The following SPIRE1 variants were observed in gnomAD, a reference collection of about 807,000 sequenced individuals.
SPIRE1 encodes the protein protein spire homolog 1.
In SPIRE1, 40 loss-of-function variants were observed where a neutral mutation model predicts 94.1. The observed-to-expected ratio is 0.43, with a 90% confidence interval of 0.33 to 0.55. SPIRE1 has a LOEUF of 0.55. Among genes scored for constraint, SPIRE1 ranks in the 20% least tolerant of loss-of-function variants. The pLI is 0.06. For synonymous variants in SPIRE1, 376 were observed against 371.7 expected (o/e 1.01, Z -0.13); for missense variants, 838 against 975.2 (o/e 0.86, Z 1.87).
chr18:12,588,247 C>T (rs552237810), intron 2 of SPIRE1: 5 of 152,118 alleles, frequency 3.3e-5, no homozygotes, highest in African/African-American at 1.2e-4. Context: ...TTCTAAATTG[C>T]CTAATTTTAA....
rs147177314 is a variant in SPIRE1, at chr18:12,556,514, G to A, written c.373-9610C>T. ...CACGGTGAGTGTTATAGTTCTTAAA[G>A]ATGGTGTGTCCGGAGTTTGTGCCTT... On this transcript the variant is annotated intron_variant, in intron 2 of 16. Coordinates refer to ENST00000409402, the MANE Select transcript of SPIRE1 (RefSeq NM_001128626.2). Among the ~76,000 whole-genome samples, 1,375 of 152,336 alleles carry A rather than the reference G, an allele frequency of 9.0e-3. 23 individuals carry two copies. The highest frequency in any genetic ancestry group is 0.032 in the African/African-American group (1,320 of 41,580).
chr18:12,524,843 G>T (rs192438065), intron 4 of SPIRE1, among the ~76,000 whole-genome samples: 1 of 151,968 alleles, frequency 6.6e-6, no homozygotes, highest in Admixed American at 6.6e-5. Context: ...GCCAACCATG[G>T]TGGTGAACAC....
At chr18:12,636,981 G>A (rs555891730) in intron 1 of SPIRE1, among the ~76,000 whole-genome samples, 1 of 152,334 alleles carries the variant, frequency 6.6e-6, no homozygotes, top group East Asian at 1.9e-4. Context: ...CAGTTACTGA[G>A]AGCCTACTCT....
chr18:12,497,833 T>C (rs1410609279), intron 6 of SPIRE1, among the ~76,000 whole-genome samples: 2 of 152,234 alleles, frequency 1.3e-5, no homozygotes, highest in African/African-American at 4.8e-5. Context: ...TGGCTAATTT[T>C]CACATGCTTT....
chr18:12,629,623 G>A (rs1445490454), intron 2 of SPIRE1, among the ~76,000 whole-genome samples: 2 of 152,128 alleles, frequency 1.3e-5, no homozygotes, highest in African/African-American at 2.4e-5. Context: ...GGGCTGGGAG[G>A]AGGGGCAGGG....
chr18:12,565,623 C>T (rs1173063229), intron 2 of SPIRE1, among the ~76,000 whole-genome samples: 2 of 152,066 alleles, frequency 1.3e-5, no homozygotes, highest in African/African-American at 4.8e-5. Flanking sequence ...ATCTTCCCGC[C>T]TCAGCCTCCC....
At chr18:12,512,906 C>T (rs958483604) in intron 4 of SPIRE1, among the ~76,000 whole-genome samples, 2 of 151,974 alleles carry the variant, frequency 1.3e-5, no homozygotes, top group African/African-American at 2.4e-5. Context: ...TTCCTCACCC[C>T]ATGGCTGGTC....
intron 10 of SPIRE1, among the ~76,000 whole-genome samples, chr18:12,471,654 G>A (rs2032365889): frequency 6.6e-6 from 1 of 152,096 alleles, no homozygotes; most frequent in Admixed American, 6.6e-5. Context: ...GCATTCTCAT[G>A]TACCGTGAGA....
intron 2 of SPIRE1, among the ~76,000 whole-genome samples, chr18:12,621,441 C>T (rs2037465463): frequency 1.3e-5 from 2 of 152,164 alleles, no homozygotes; most frequent in South Asian, 4.1e-4. Flanking sequence ...AGCACCATTA[C>T]TCATAACAGC....
At chr18:12,469,226 TGA>T in intron 10 of SPIRE1, among the ~76,000 whole-genome samples, 1 of 152,214 alleles carries the variant, frequency 6.6e-6, no homozygotes, top group East Asian at 1.9e-4. Context: ...ATTTTGAAAC[TGA>T]GTCTTGCTCA....
At chr18:12,525,296 A>AATAAT (rs1555619712) in intron 4 of SPIRE1, among the ~76,000 whole-genome samples, 30 of 120,170 alleles carry the variant, frequency 2.5e-4, no homozygotes, top group African/African-American at 9.3e-4. Context: ...AAAAAAAAAA[A>AATAAT]AATAATAATA....
At chr18:12,556,254 A>T (rs1196377643) in intron 2 of SPIRE1, among the ~76,000 whole-genome samples, 3 of 152,206 alleles carry the variant, frequency 2.0e-5, no homozygotes, top group African/African-American at 7.2e-5. Context: ...TACAGATTCA[A>T]TACAATCCCT....
chr18:12,639,632 T>A (rs2038030477), intron 1 of SPIRE1, among the ~76,000 whole-genome samples: 1 of 151,990 alleles, frequency 6.6e-6, no homozygotes, highest in Admixed American at 6.6e-5. Context: ...CACGGGAGAC[T>A]GAGGCAGAGA....
chr18:12,622,462 G>T (rs188029790), intron 2 of SPIRE1, among the ~76,000 whole-genome samples: 1 of 126,962 alleles, frequency 7.9e-6, no homozygotes, highest in African/African-American at 2.9e-5. Flanking sequence ...TTGCTCTGTC[G>T]CCCAGGCTGG....
intron 2 of SPIRE1, among the ~76,000 whole-genome samples, chr18:12,584,804 G>T (rs895020958): frequency 6.6e-6 from 1 of 151,868 alleles, no homozygotes; most frequent in Non-Finnish European, 1.5e-5. Flanking sequence ...TTTTGAGAGG[G>T]AGTCTCGCCC....
At chr18:12,540,511 G>T (rs2034984802) in intron 3 of SPIRE1, among the ~76,000 whole-genome samples, 1 of 152,146 alleles carries the variant, frequency 6.6e-6, no homozygotes, top group Non-Finnish European at 1.5e-5. Flanking sequence ...AAGTAGCTGG[G>T]ATTACAGGCT....
intron 2 of SPIRE1, among the ~76,000 whole-genome samples, chr18:12,554,883 A>G (rs536367279): frequency 2.6e-5 from 4 of 152,288 alleles, no homozygotes; most frequent in Non-Finnish European, 4.4e-5. Flanking sequence ...AAAAAGTTTC[A>G]TTTGTCTTAT....
chr18:12,637,813 T>C (rs931593912), intron 1 of SPIRE1, among the ~76,000 whole-genome samples: 17 of 152,064 alleles, frequency 1.1e-4, no homozygotes, highest in African/African-American at 2.4e-4. Flanking sequence ...CAGAAAACAA[T>C]GAAGTGCTTA....
intron 8 of SPIRE1, among the ~76,000 whole-genome samples, chr18:12,488,067 G>A (rs766577150): frequency 6.6e-6 from 1 of 152,158 alleles, no homozygotes; most frequent in Non-Finnish European, 1.5e-5. Flanking sequence ...CTCCAACAAA[G>A]CACAGTCTTC....
Sources: gnomAD v4.1 joint callset for allele counts (sites outside exome capture counted in the v4.1 genomes callset) on GRCh38, gnomAD v4.1.1 for gene constraint, MANE v1.5 for transcripts, NCBI Gene and HGNC (gene_info 2026-07-23, HGNC 2026-07-21) for gene names.